LRRC1: variants seen among roughly 807,000 people sequenced by gnomAD.
The protein encoded by LRRC1 is leucine rich repeat containing 1.
LRRC1 carries 28 observed loss-of-function variants against 69.9 expected under a neutral mutation model. That is an observed-to-expected ratio of 0.40 (90% confidence interval 0.30 to 0.55). LRRC1 has a LOEUF of 0.55. Among genes scored for constraint, LRRC1 ranks in the 20% least tolerant of loss-of-function variants. The pLI, the probability that LRRC1 is intolerant of heterozygous loss-of-function variation, is 0.47. For synonymous variants in LRRC1, 236 were observed against 240.2 expected, an observed-to-expected ratio of 0.98 and a Z score of 0.16; for missense variants, 498 against 609.0, an observed-to-expected ratio of 0.82 and a Z score of 1.92.
chr6:53,842,982 C>T (rs929784346), intron 2 of LRRC1, among the ~76,000 whole-genome samples: 2 of 152,062 alleles, frequency 1.3e-5, no homozygotes, highest in Non-Finnish European at 2.9e-5. Flanking sequence ...TTGGTTTAAC[C>T]CTCAGTTTTA....
At chr6:53,802,984 G>A (rs1764529917) in intron 1 of LRRC1, among the ~76,000 whole-genome samples, 1 of 152,180 alleles carries the variant, frequency 6.6e-6, no homozygotes, top group Admixed American at 6.5e-5. Context: ...AGCAAAATGA[G>A]CCTGCTTCCA....
chr6:53,901,711 A>G (rs1403429750), intron 8 of LRRC1, among the ~76,000 whole-genome samples: 1 of 152,234 alleles, frequency 6.6e-6, no homozygotes, highest in African/African-American at 2.4e-5. Flanking sequence ...GCTATTCAGC[A>G]TACCCTGCAG....
intron 1 of LRRC1, among the ~76,000 whole-genome samples, chr6:53,834,263 G>T (rs183514898): frequency 2.0e-5 from 3 of 152,206 alleles, no homozygotes; most frequent in Non-Finnish European, 4.4e-5. Flanking sequence ...TAGATTTCTT[G>T]CATGTCTACT....
intron 2 of LRRC1, among the ~76,000 whole-genome samples, chr6:53,848,883 G>A (rs1408470117): frequency 2.6e-5 from 4 of 151,908 alleles, no homozygotes; most frequent in South Asian, 2.1e-4. Flanking sequence ...TCAGTCTCCC[G>A]AGTAGCTGAG....
intron 10 of LRRC1, among the ~76,000 whole-genome samples, chr6:53,905,905 A>G (rs1046980659): frequency 2.6e-5 from 4 of 152,244 alleles, no homozygotes; most frequent in Non-Finnish European, 5.9e-5. Context: ...AAGAGATTCT[A>G]CTAATTAGAA....
At chr6:53,815,757 C>A (rs910617536) in intron 1 of LRRC1, among the ~76,000 whole-genome samples, 2 of 152,228 alleles carry the variant, frequency 1.3e-5, no homozygotes, top group African/African-American at 4.8e-5. Flanking sequence ...TCACTGTACA[C>A]AGATAGTCAT....
At chr6:53,878,936 G>A in intron 2 of LRRC1, 57 bp from the exon 3 acceptor site, 2 of 989,076 alleles carry the variant, frequency 2.0e-6, no homozygotes, top group East Asian at 2.5e-5. Context: ...CATCTTGAGA[G>A]TGATGAAAAC....
At chr6:53,845,032 C>T (rs948357832) in intron 2 of LRRC1, among the ~76,000 whole-genome samples, 1 of 152,076 alleles carries the variant, frequency 6.6e-6, no homozygotes, top group Non-Finnish European at 1.5e-5. Flanking sequence ...GTGAAACCTC[C>T]AACTCTACTA....
intron 2 of LRRC1, among the ~76,000 whole-genome samples, chr6:53,853,282 ATTTTT>A (rs59868633): frequency 1.5e-5 from 2 of 130,256 alleles, no homozygotes; most frequent in African/African-American, 2.9e-5. Context: ...GGTGGTTCAT[ATTTTT>A]TTTTTTTTTT....
chr6:53,861,330 C>T (rs9370237), intron 2 of LRRC1, among the ~76,000 whole-genome samples: 54,591 of 151,234 alleles, frequency 0.36, 10,421 homozygotes, highest in East Asian at 0.64. Context: ...TCTCAGGGGA[C>T]GGTGGTCCCA....
intron 1 of LRRC1, among the ~76,000 whole-genome samples, chr6:53,841,745 GAC>G (rs1232501335): frequency 6.6e-6 from 1 of 151,920 alleles, no homozygotes; most frequent in South Asian, 2.1e-4. Flanking sequence ...ATTTTTAAAA[GAC>G]ATTTTTACAT....
intron 9 of LRRC1, 65 bp from the exon 10 acceptor site, chr6:53,904,313 TC>T: frequency 1.1e-6 from 1 of 947,992 alleles, no homozygotes; most frequent in Non-Finnish European, 1.7e-6. Context: ...CTTGCAAAGA[TC>T]TTATTTACTG....
intron 1 of LRRC1, among the ~76,000 whole-genome samples, chr6:53,806,198 C>T (rs989712237): frequency 2.1e-4 from 32 of 152,284 alleles, no homozygotes; most frequent in African/African-American, 7.7e-4. Flanking sequence ...TATCTCTGTC[C>T]CTCATCAGAG....
At position 53,851,930 on chromosome 6, in the gene LRRC1, T is replaced by C. The variant is rs190730346; in HGVS notation, c.277+9703T>C. On this transcript the variant is annotated intron_variant, in intron 2 of 13. Transcript: ENST00000370888. ...TTAGCATAAAACCTATGCAAGTGTT[T>C]GCGACTTTTTTATTTGAAGTTTTAA... 2.2e-4 allele frequency among the ~76,000 whole-genome samples: 33 copies of C among 152,374 alleles called. No homozygotes were observed. The East Asian group carries it at 5.8e-3, about 27-fold the overall frequency.
chr6:53,906,973 T>C (rs934092940), intron 10 of LRRC1, among the ~76,000 whole-genome samples: 1 of 152,244 alleles, frequency 6.6e-6, no homozygotes, highest in Non-Finnish European at 1.5e-5. Context: ...GTTTGCTGCC[T>C]AGCAGAAATG....
intron 2 of LRRC1, among the ~76,000 whole-genome samples, chr6:53,845,824 C>A (rs1012954959): frequency 6.6e-6 from 1 of 152,286 alleles, no homozygotes; most frequent in South Asian, 2.1e-4. Context: ...CCTGCTGGTC[C>A]CCAGCCACAC....
At chr6:53,869,178 C>T in intron 2 of LRRC1, among the ~76,000 whole-genome samples, 1 of 152,072 alleles carries the variant, frequency 6.6e-6, no homozygotes, top group East Asian at 1.9e-4. Context: ...TTGTCATCAT[C>T]TGGTAGATTG....
chr6:53,796,660 C>CT (rs1370045514), intron 1 of LRRC1, among the ~76,000 whole-genome samples: 2 of 152,168 alleles, frequency 1.3e-5, no homozygotes, highest in Non-Finnish European at 2.9e-5. Context: ...CTTGGATTAA[C>CT]TTTCCTGGGT....
chr6:53,799,028 G>T (rs555203951), intron 1 of LRRC1, among the ~76,000 whole-genome samples: 2 of 152,268 alleles, frequency 1.3e-5, no homozygotes, highest in East Asian at 3.9e-4. Flanking sequence ...CTTCAAATGC[G>T]TGTGTTTTCC....
Sources: allele counts gnomAD v4.1 joint callset (sites outside exome capture counted in the v4.1 genomes callset), GRCh38; gene constraint gnomAD v4.1.1; transcripts MANE v1.5; gene names NCBI Gene and HGNC (gene_info 2026-07-23, HGNC 2026-07-21).